Variants in XPC observed in about 807,000 individuals in gnomAD.
The protein encoded by XPC is XPC complex subunit, DNA damage recognition and repair factor.
A neutral mutation model predicts 95.8 loss-of-function variants in XPC; 76 were observed. The observed-to-expected ratio is 0.79, with a 90% CI of 0.66 to 0.96. The LOEUF (loss-of-function observed/expected upper bound fraction) is 0.96. XPC is among the 40% of genes least tolerant of loss of function. XPC has a pLI of 0.00. For synonymous variants in XPC, 442 were observed against 442.1 expected (o/e 1.00, Z 0.00); for missense variants, 1,146 against 1,179.8 (o/e 0.97, Z 0.42).
chr3:14,148,083 T>C (rs1449229059), intron 13 of XPC, 82 bp from the exon 14 acceptor site: 2 of 1,245,736 alleles, frequency 1.6e-6, no homozygotes, highest in South Asian at 1.4e-5. Flanking sequence ...TGGAAGACAG[T>C]GGGCCACATC....
At chr3:14,156,684 T>C (rs1182288770) in intron 9 of XPC, among the ~76,000 whole-genome samples, 189 bp from the exon 10 acceptor site, 2 of 152,200 alleles carry the variant, frequency 1.3e-5, no homozygotes, top group African/African-American at 4.8e-5. Context: ...AATCAAAAGC[T>C]TTAAAGAATC....
chr3:14,178,247 T>G (rs980305538), intron 1 of XPC: 3 of 553,100 alleles, frequency 5.4e-6, no homozygotes, highest in Admixed American at 7.5e-5. Flanking sequence ...CGCAGGAGCT[T>G]GGATCGGGCG....
intron 7 of XPC, 93 bp downstream of exon 7, chr3:14,164,720 G>T: frequency 7.5e-7 from 1 of 1,339,024 alleles, no homozygotes; most frequent in Non-Finnish European, 1.0e-6. Context: ...AGGTAGTGTC[G>T]GTAACACACC....
chr3:14,156,391 G>C lies in XPC; in HGVS notation c.1977C>G (p.Ile659Met). ...LKRHLLKYEA[I>M]YPETAAILGY... ...CAAGGATGGCAGCTGTCTCGGGATA[G>C]ATGGCCTCATATTTCAGGAGATGCC... The change falls in exon 10 of 16, where the codon ATC becomes ATG. Residue 659 changes from isoleucine (I) to methionine (M), a missense_variant. Physicochemically the swap from Ile to Met is conservative, Grantham distance 10. Coordinates refer to ENST00000285021, the MANE Select transcript of XPC (RefSeq NM_004628.5). 6.2e-7 allele frequency: 1 copy of C among 1,614,010 alleles called. No individual in the cohort carries two copies. The highest frequency in any genetic ancestry group is 8.5e-7 in the Non-Finnish European group (1 of 1,179,874).
intron 9 of XPC, among the ~76,000 whole-genome samples, chr3:14,157,572 C>T (rs1000329584): frequency 3.9e-5 from 6 of 152,086 alleles, no homozygotes; most frequent in Admixed American, 6.5e-5. Flanking sequence ...TGTCTCATTC[C>T]GAGACCCCTC....
chr3:14,177,038 C>T (rs970411813), intron 1 of XPC, among the ~76,000 whole-genome samples: 1 of 152,146 alleles, frequency 6.6e-6, no homozygotes, highest in Non-Finnish European at 1.5e-5. Flanking sequence ...AGGCGGAGGT[C>T]ACGCCACTGC....
chr3:14,175,801 C>A (rs944410900), intron 1 of XPC, among the ~76,000 whole-genome samples: 3 of 152,294 alleles, frequency 2.0e-5, no homozygotes, highest in African/African-American at 7.2e-5. Context: ...CTGACAGTCA[C>A]CAAATTATTG....
In XPC at chr3:14,178,564, G is replaced by A. The variant is rs1047160068; in HGVS notation, c.5C>T (p.Ala2Val). 1.9e-6 allele frequency: 3 copies of A among 1,612,668 alleles called. No individual in the cohort carries two copies. Among genetic ancestry groups the A allele is most frequent in the Admixed American group, 1.7e-5 (1 of 59,994 alleles). MARKRAAGGEPR... is the reference protein window; with the variant it reads MVRKRAAGGEPR... ...CTCCCCGCCGGCCGCGCGTTTCCGA[G>A]CCATGTTGCTTGTCTGGGCAAATTC... The change falls in exon 1 of 16, where the codon GCT (alanine) becomes GTT (valine). Residue 2 changes from alanine (A) to valine (V), a missense_variant. Physicochemically the swap from Ala to Val is moderately conservative, Grantham distance 64. Coordinates refer to ENST00000285021, the MANE Select transcript of XPC (RefSeq NM_004628.5).
At position 14,158,352 on chromosome 3, in the gene XPC, T is replaced by G. The variant is rs6413541; in HGVS notation, c.1531A>C (p.Lys511Gln). The G allele has an allele frequency of 9.6e-5, 155 of 1,613,956 alleles. 1 individual carries two copies. The African/African-American group carries it at 1.9e-3, about 20-fold the overall frequency. Reference protein sequence around the residue: ...SSSSSSSKRGKKMCSDGEKAE... With the variant: ...SSSSSSSKRGQKMCSDGEKAE... ...TTCTCACCATCGCTGCACATTTTCT[T>G]GCCTCTTTTACTGCTTGAAGAGCTT... The change falls in exon 9 of 16, where the codon AAG becomes CAG. Residue 511 changes from lysine (K) to glutamine (Q), a missense_variant. Physicochemically the swap from Lys to Gln is moderately conservative, Grantham distance 53. Transcript: ENST00000285021. The surrounding 1 kb of genome is among the most constrained non-coding windows in gnomAD (Gnocchi z 5.2).
Position 14,145,765 on chromosome 3 carries a change from C to G in XPC, c.*176G>C, listed in dbSNP as rs1356738207. 3 of 784,890 alleles carry G rather than the reference C, an allele frequency of 3.8e-6. No homozygotes were observed. The allele number at this position is 784,890 out of a possible 1,614,324, so 48.6% of individuals were successfully genotyped here. ...AAGGGCTGGAGCCAGACGGGACCTG[C>G]AGCACCTCCTCAGCTTGGCCTCGTC... is the stretch of plus-strand genomic sequence containing the variant. On this transcript the variant is annotated 3_prime_UTR_variant, in exon 16 of 16. Transcript: ENST00000285021.
At chr3:14,147,440 T>A (rs1695486757) in intron 14 of XPC, 61 bp from the exon 15 acceptor site, 19 of 1,472,546 alleles carry the variant, frequency 1.3e-5, no homozygotes, top group Non-Finnish European at 1.6e-5. Flanking sequence ...GGAAAAATAT[T>A]AAGATGGAAA....
rs1695367561 is a variant in XPC at position 14,145,295 on chromosome 3, AT to A, written c.*645del. ...AACATTTCCTTAATTTTCAATTCGT[AT>A]TTTTCCTTTTCTTTCCTGATTTTAG... is the stretch of plus-strand genomic sequence containing the variant. On this transcript the variant is annotated 3_prime_UTR_variant, in exon 16 of 16. Coordinates refer to ENST00000285021, the MANE Select transcript of XPC (RefSeq NM_004628.5). 1.4e-6 allele frequency: 1 copy of A among 697,962 alleles called. No individual in the cohort carries two copies. 43.2% of individuals were successfully genotyped at this position (697,962 alleles called of 1,614,324 possible). A position where few individuals can be genotyped will look rare whatever the true frequency, so the allele number is the denominator to read the frequency against.
chr3:14,165,158 T>C (rs1696324395), intron 6 of XPC, among the ~76,000 whole-genome samples: 1 of 152,140 alleles, frequency 6.6e-6, no homozygotes, highest in South Asian at 2.1e-4. Flanking sequence ...GCGCCCCTGC[T>C]ATGTGAGCCT....
intron 9 of XPC, 36 bp downstream of exon 9, chr3:14,157,971 CCTGA>C (rs1427159471): frequency 6.4e-7 from 1 of 1,554,328 alleles, no homozygotes; most frequent in Non-Finnish European, 8.7e-7. Context: ...ATTTTAATAA[CCTGA>C]CTGTGTCTTG....
rs1416402714 is a variant in XPC at position 14,146,030 on chromosome 3, C to T, written c.2734G>A (p.Glu912Lys). Residue 912 changes from glutamate to lysine, a missense_variant, in exon 16 of 16, where the codon GAA becomes AAA. Transcript: ENST00000285021. ...GGCCCACCCTTCAGCTTCTGCTTTT[C>T]TTCATCTTCTCGGTTTTGAGGCCAG... The part of the protein sequence containing the change: ...ASWPQNREDE[E>K]KQKLKGGPKK... 9 of 1,612,736 alleles carry T rather than the reference C, an allele frequency of 5.6e-6. No individual in the cohort carries two copies. Among genetic ancestry groups the T allele is most frequent in the Non-Finnish European group, 1.7e-6 (2 of 1,179,386 alleles).
intron 14 of XPC, chr3:14,147,592 G>A (rs1417606081): frequency 1.6e-5 from 10 of 613,628 alleles, no homozygotes; most frequent in East Asian, 5.6e-5. Flanking sequence ...CTTTTTAATC[G>A]TTACTGACTC....
At chr3:14,149,418 A>G (rs1301277926) in intron 11 of XPC, 2 of 156,052 alleles carry the variant, frequency 1.3e-5, no homozygotes, top group African/African-American at 5.0e-5. Context: ...ACTAGCTAAC[A>G]TTTATGGAAC....
In XPC at chr3:14,158,966, T is replaced by C; in HGVS notation, c.991-74A>G. ...TAATGATATGATAGAAATCCTGTAA[T>C]CTAATAGGGTTAAGTCACCAGCTAG... On this transcript the variant is annotated intron_variant, in intron 8 of 15. Transcript: ENST00000285021. This position sits in a 1 kb window ranked among gnomAD's most constrained non-coding sequence, Gnocchi z 5.2. 9 of 1,589,958 alleles carry C rather than the reference T, an allele frequency of 5.7e-6. No individual in the cohort carries two copies. The highest frequency in any genetic ancestry group is 7.7e-6 in the Non-Finnish European group (9 of 1,166,844).
chr3:14,170,613 C>CT, intron 2 of XPC, 63 bp from the exon 3 acceptor site: 4 of 1,308,178 alleles, frequency 3.1e-6, no homozygotes, highest in Non-Finnish European at 4.2e-6. Flanking sequence ...TCCATTCAAG[C>CT]TAAATGGAAT....
Sources: gnomAD v4.1 joint callset for allele counts (sites outside exome capture counted in the v4.1 genomes callset) on GRCh38, gnomAD v4.1.1 for gene constraint, Gnocchi (gnomAD v3.1) non-coding constraint, MANE v1.5 for transcripts, NCBI Gene and HGNC (gene_info 2026-07-23, HGNC 2026-07-21) for gene names.